AIMP1: variants seen among roughly 807,000 people sequenced by gnomAD.
AIMP1 encodes the protein aminoacyl tRNA synthase complex-interacting multifunctional protein 1.
Under a neutral mutation model 33.1 loss-of-function variants are expected in AIMP1, and 24 were observed. The ratio of observed to expected loss-of-function variants is 0.73; its 90% CI spans 0.53 to 1.02. AIMP1 has a LOEUF of 1.02. Among genes scored for constraint, AIMP1 ranks in the 50% least tolerant of loss-of-function variants. AIMP1 has a pLI of 0.00. For synonymous variants in AIMP1, 120 were observed against 121.5 expected, an observed-to-expected ratio of 0.99 and a Z score of 0.08; for missense variants, 367 against 364.8, an observed-to-expected ratio of 1.01 and a Z score of -0.05.
chr4:106,327,416 A>G lies in AIMP1; in HGVS notation c.110-35A>G, dbSNP rs756196042. 5.3e-6 allele frequency: 8 copies of G among 1,499,616 alleles called. No individual in the cohort carries two copies. In the South Asian group the frequency reaches 9.1e-5, roughly 17 times the overall value. 92.9% of individuals were successfully genotyped at this position (1,499,616 alleles called of 1,614,324 possible). A position where few individuals can be genotyped will look rare whatever the true frequency, so the allele number is the denominator to read the frequency against. Reference sequence around the variant, plus strand: ...ATAGTATTCATACAAAACCTCTTTTAAAAACATATTTTAACTGGATGTTCT... The same window carrying G: ...ATAGTATTCATACAAAACCTCTTTTGAAAACATATTTTAACTGGATGTTCT... On this transcript the variant is annotated intron_variant, in intron 2 of 6. Transcript: ENST00000672341.
intron 6 of AIMP1, among the ~76,000 whole-genome samples, chr4:106,340,100 C>T (rs1050636468): frequency 6.6e-6 from 1 of 152,036 alleles, no homozygotes; most frequent in African/African-American, 2.4e-5. Flanking sequence ...GAAATTAAGA[C>T]TGCATTTAAA....
intron 6 of AIMP1, among the ~76,000 whole-genome samples, chr4:106,342,597 A>C (rs897336341): frequency 6.6e-6 from 1 of 152,168 alleles, no homozygotes; most frequent in Non-Finnish European, 1.5e-5. Flanking sequence ...ATTGATTTGC[A>C]TATGTTGAAC....
chr4:106,346,115 T>C (rs1211227021), intron 6 of AIMP1, among the ~76,000 whole-genome samples: 1 of 151,968 alleles, frequency 6.6e-6, no homozygotes. Flanking sequence ...CTTCATTGTT[T>C]CTTGAACTGA....
intron 4 of AIMP1, among the ~76,000 whole-genome samples, chr4:106,329,957 A>G (rs929892284): frequency 3.3e-5 from 5 of 151,420 alleles, no homozygotes; most frequent in African/African-American, 1.2e-4. Context: ...TAATTTTTGT[A>G]TTTTTAGTAG....
chr4:106,349,206 T>C lies in AIMP1; in HGVS notation c.*1514T>C, dbSNP rs925877354. The C allele has an allele frequency of 2.0e-5, 3 of 152,082 alleles. No homozygotes were observed. Among genetic ancestry groups the C allele is most frequent in the Admixed American group, 6.6e-5 (1 of 15,244 alleles). The allele number at this position is 152,082 out of a possible 1,614,324, so 9.4% of individuals were successfully genotyped here. Reference sequence around the variant, plus strand: ...TCAAGATATGTCATTCTTTTGGGAATAAATACTTCTGGTGACAAAGTCTTT... The same window carrying C: ...TCAAGATATGTCATTCTTTTGGGAACAAATACTTCTGGTGACAAAGTCTTT... On this transcript the variant is annotated 3_prime_UTR_variant, in exon 7 of 7. Transcript: ENST00000672341.
At chr4:106,335,441 T>TA (rs932984835) in intron 5 of AIMP1, among the ~76,000 whole-genome samples, 79 of 146,362 alleles carry the variant, frequency 5.4e-4, no homozygotes, top group East Asian at 2.0e-3. Context: ...AAATAAAAGT[T>TA]AAAAAAAAAA....
intron 6 of AIMP1, among the ~76,000 whole-genome samples, chr4:106,337,502 C>T (rs554479086): frequency 6.6e-6 from 1 of 152,178 alleles, no homozygotes; most frequent in Non-Finnish European, 1.5e-5. Flanking sequence ...CCTCCTTTGT[C>T]TTCTGCCATG....
chr4:106,343,863 G>A (rs369139327), intron 6 of AIMP1, among the ~76,000 whole-genome samples: 4 of 152,062 alleles, frequency 2.6e-5, no homozygotes, highest in Non-Finnish European at 4.4e-5. Context: ...TATTGATATC[G>A]AGTCGTATTA....
intron 4 of AIMP1, 38 bp from the exon 5 acceptor site, chr4:106,331,634 T>C (rs1286504448): frequency 6.3e-7 from 1 of 1,589,898 alleles, no homozygotes. Flanking sequence ...TTGCTTGGTT[T>C]TATTTCTGAT....
chr4:106,342,020 G>C (rs763122623), intron 6 of AIMP1, among the ~76,000 whole-genome samples: 8 of 151,888 alleles, frequency 5.3e-5, no homozygotes, highest in Non-Finnish European at 8.8e-5. Context: ...CCTTCATTAG[G>C]TTCATTCCTA....
At chr4:106,318,064 T>G (rs1769045811) in intron 1 of AIMP1, among the ~76,000 whole-genome samples, 1 of 152,190 alleles carries the variant, frequency 6.6e-6, no homozygotes, top group Admixed American at 6.5e-5. Context: ...TAGTCATTCC[T>G]TATAGCCATC....
chr4:106,336,595 G>C (rs2125926041), intron 5 of AIMP1, among the ~76,000 whole-genome samples: 1 of 152,188 alleles, frequency 6.6e-6, no homozygotes, highest in African/African-American at 2.4e-5. Context: ...TCAAAACCAA[G>C]TCTGTTTCAC....
Position 106,336,731 on chromosome 4 carries a change from T to G in AIMP1, c.604-138T>G, listed in dbSNP as rs1388549844. On this transcript the variant is annotated intron_variant, in intron 5 of 6. Transcript: ENST00000672341. ...GCTTCGTAACAACAATAAGAGACTT[T>G]GGGCACACAAAGACAAAGGTACATC... 18 of 839,754 alleles carry G rather than the reference T, an allele frequency of 2.1e-5. No individual in the cohort carries two copies. In the East Asian group the frequency reaches 4.2e-4, roughly 20 times the overall value. 52.0% of individuals were successfully genotyped at this position (839,754 alleles called of 1,614,324 possible).
chr4:106,347,606 G>A lies in AIMP1; in HGVS notation c.853G>A (p.Val285Met). Residue 285 changes from valine to methionine, a missense_variant, in exon 7 of 7, where the codon GTG becomes ATG. Physicochemically the swap from Val to Met is conservative, Grantham distance 21. Transcript: ENST00000672341. Reference protein sequence around the residue: ...QPDLHTNDECVATYKGVPFEV... With the variant: ...QPDLHTNDECMATYKGVPFEV... ...TGATCTTCACACTAATGATGAGTGTGTGGCTACATACAAAGGAGTTCCCTT... is the reference window on the plus strand; with the variant it reads ...TGATCTTCACACTAATGATGAGTGTATGGCTACATACAAAGGAGTTCCCTT... 6.2e-7 allele frequency: 1 copy of A among 1,613,502 alleles called. No individual in the cohort carries two copies. The highest frequency in any genetic ancestry group is 8.5e-7 in the Non-Finnish European group (1 of 1,179,692).
chr4:106,319,467 AAGTATG>A (rs1769113026), intron 1 of AIMP1, among the ~76,000 whole-genome samples: 1 of 152,180 alleles, frequency 6.6e-6, no homozygotes, highest in Non-Finnish European at 1.5e-5. Flanking sequence ...AGGTTTGATG[AAGTATG>A]ATAATTAACA....
In AIMP1 at chr4:106,347,746, A is replaced by G; in HGVS notation, c.*54A>G. ...GAAAACCTTAAAAGTAATAAAGAGA[A>G]ATATATTTGTCACTTATACCTAAAA... On this transcript the variant is annotated 3_prime_UTR_variant, in exon 7 of 7. Coordinates refer to ENST00000672341, the MANE Select transcript of AIMP1 (RefSeq NM_001142416.2). 1 of 1,559,902 alleles carries G rather than the reference A, an allele frequency of 6.4e-7. No individual in the cohort carries two copies.
In AIMP1 at chr4:106,321,079, G is replaced by A. The variant is rs546185148; in HGVS notation, c.-25-3906G>A. Among the ~76,000 whole-genome samples, 10 of 152,286 alleles carry A rather than the reference G, an allele frequency of 6.6e-5. No homozygotes were observed. The East Asian group carries it at 9.7e-4, about 15-fold the overall frequency. Reference sequence around the variant, plus strand: ...GTTGCCCATGCTGGAGTGCAGTGGCGTGATCTTGGCTCGCTACAACCTCCA... The same window carrying A: ...GTTGCCCATGCTGGAGTGCAGTGGCATGATCTTGGCTCGCTACAACCTCCA... On this transcript the variant is annotated intron_variant, in intron 1 of 6. Coordinates refer to ENST00000672341, the MANE Select transcript of AIMP1 (RefSeq NM_001142416.2).
chr4:106,327,091 T>C (rs1769482255), intron 2 of AIMP1, among the ~76,000 whole-genome samples: 2 of 152,202 alleles, frequency 1.3e-5, no homozygotes, highest in African/African-American at 4.8e-5. Flanking sequence ...GGCCACATAT[T>C]GACACTTTTG....
chr4:106,341,394 A>G (rs1014365697), intron 6 of AIMP1, among the ~76,000 whole-genome samples: 1 of 152,164 alleles, frequency 6.6e-6, no homozygotes, highest in Non-Finnish European at 1.5e-5. Context: ...GATATTTCTT[A>G]GATTTTCTTC....
Sources: gnomAD v4.1 joint callset for allele counts (sites outside exome capture counted in the v4.1 genomes callset) on GRCh38, gnomAD v4.1.1 for gene constraint, MANE v1.5 for transcripts, NCBI Gene and HGNC (gene_info 2026-07-23, HGNC 2026-07-21) for gene names.